Variants in ST3GAL2 observed in about 807,000 individuals in gnomAD.
ST3GAL2 encodes the protein ST3 beta-galactoside alpha-2,3-sialyltransferase 2, also known as CMP-N-acetylneuraminate-beta-galactosamide-alpha-2,3-sialyltransferase 2.
A neutral mutation model predicts 37.5 loss-of-function variants in ST3GAL2; 16 were observed. That is an observed-to-expected ratio of 0.43 (90% CI 0.29 to 0.65). ST3GAL2 has a LOEUF of 0.65. ST3GAL2 is among the 30% of genes least tolerant of loss of function. The pLI, the probability that ST3GAL2 is intolerant of heterozygous loss-of-function variation, is 0.17. For missense variants in ST3GAL2, 383 were observed against 487.8 expected (o/e 0.79, Z 2.02); for synonymous variants, 238 against 202.9 (o/e 1.17, Z -1.47).
intron 1 of ST3GAL2, among the ~76,000 whole-genome samples, chr16:70,437,815 C>T (rs981241665): frequency 6.6e-6 from 1 of 152,186 alleles, no homozygotes; most frequent in Non-Finnish European, 1.5e-5. Context: ...CTGAGAAGGG[C>T]TTCAGAGCCC....
intron 1 of ST3GAL2, among the ~76,000 whole-genome samples, chr16:70,403,393 T>C (rs778430160): frequency 4.6e-5 from 7 of 152,192 alleles, no homozygotes; most frequent in African/African-American, 1.2e-4. Flanking sequence ...ATTTAAGATG[T>C]CTTTTAGGCC....
In ST3GAL2 at chr16:70,381,870, G is replaced by A. The variant is rs2047408232; in HGVS notation, c.880-8C>T. On this transcript the variant is annotated splice_region_variant and splice_polypyrimidine_tract_variant and intron_variant, in intron 6 of 6. Transcript: ENST00000342907. ...GAACCCGTACACGTTCACCTGCGGGGAAGCGCAGCGGAGCGTCACCCCAGG... is the reference window on the plus strand; with the variant it reads ...GAACCCGTACACGTTCACCTGCGGGAAAGCGCAGCGGAGCGTCACCCCAGG... 3 of 1,612,756 alleles carry A rather than the reference G, an allele frequency of 1.9e-6. No homozygotes were observed. Among genetic ancestry groups the A allele is most frequent in the Admixed American group, 1.7e-5 (1 of 59,986 alleles).
At chr16:70,403,585 G>A (rs1424721539) in intron 1 of ST3GAL2, among the ~76,000 whole-genome samples, 2 of 152,280 alleles carry the variant, frequency 1.3e-5, no homozygotes, top group East Asian at 3.9e-4. Flanking sequence ...AGGCCGAGGC[G>A]GGCGGATCAT....
intron 1 of ST3GAL2, among the ~76,000 whole-genome samples, chr16:70,421,822 C>T (rs950213516): frequency 6.6e-6 from 1 of 151,126 alleles, no homozygotes; most frequent in East Asian, 1.9e-4. Context: ...CACACAACAC[C>T]GCACCTGACT....
chr16:70,435,254 G>C (rs560263176), intron 1 of ST3GAL2, among the ~76,000 whole-genome samples: 2 of 152,300 alleles, frequency 1.3e-5, no homozygotes, highest in South Asian at 2.1e-4. Context: ...ACAGCTGCCA[G>C]AACAGCCTGG....
rs2047638632 is a variant in ST3GAL2 at position 70,411,564 on chromosome 16, C to T, written c.-1003-12031G>A. Among the ~76,000 whole-genome samples, 9 of 152,190 alleles carry T rather than the reference C, an allele frequency of 5.9e-5. No homozygotes were observed. In the South Asian group the frequency reaches 1.9e-3, roughly 32 times the overall value. ...ATGGCAGAGTAGAAAGATCGAGGGT[C>T]CTTCATGTTCCTATGTGACCTACTG... On this transcript the variant is annotated intron_variant, in intron 1 of 6. Coordinates refer to ENST00000342907, the MANE Select transcript of ST3GAL2 (RefSeq NM_006927.4).
At chr16:70,400,025 T>C (rs764274127) in intron 1 of ST3GAL2, 1 of 152,214 alleles carries the variant, frequency 6.6e-6, no homozygotes, top group Non-Finnish European at 1.5e-5. Context: ...GATGAGGTAT[T>C]GCTGGGTCCA....
At chr16:70,409,218 G>A (rs186666493) in intron 1 of ST3GAL2, among the ~76,000 whole-genome samples, 15 of 152,254 alleles carry the variant, frequency 9.9e-5, no homozygotes, top group African/African-American at 2.9e-4. Context: ...CTGGATGATC[G>A]CTTCAGTCCA....
intron 4 of ST3GAL2, among the ~76,000 whole-genome samples, chr16:70,385,582 G>A (rs527473959): frequency 7.2e-5 from 11 of 151,764 alleles, no homozygotes; most frequent in South Asian, 2.1e-4. Flanking sequence ...GTGAGACAGA[G>A]TAGATTAATG....
intron 1 of ST3GAL2, among the ~76,000 whole-genome samples, chr16:70,436,522 C>A (rs1414342645): frequency 6.6e-6 from 1 of 151,854 alleles, no homozygotes; most frequent in Non-Finnish European, 1.5e-5. Context: ...TGTGATGACC[C>A]CAAACCAGTG....
rs1048837187 is a variant in ST3GAL2, at chr16:70,398,115, G to A, written c.339+77C>T. On this transcript the variant is annotated intron_variant, in intron 2 of 6. Transcript: ENST00000342907. ...CAGGCATTTTGTCAAGGCTCTGGGG[G>A]CCAGAAATCCAAGAGGGGGCTCTGA... 32 of 1,478,906 alleles carry A rather than the reference G, an allele frequency of 2.2e-5. No individual in the cohort carries two copies. In the Admixed American group the frequency reaches 4.2e-4, roughly 20 times the overall value. 91.6% of individuals were successfully genotyped at this position (1,478,906 alleles called of 1,614,324 possible).
intron 3 of ST3GAL2, among the ~76,000 whole-genome samples, chr16:70,390,731 T>C (rs1261301616): frequency 6.6e-6 from 1 of 152,196 alleles, no homozygotes; most frequent in Non-Finnish European, 1.5e-5. Context: ...TCTGTGGCTA[T>C]AATAAGCCAA....
intron 4 of ST3GAL2, among the ~76,000 whole-genome samples, chr16:70,383,991 C>G (rs1210513196): frequency 6.6e-6 from 1 of 152,024 alleles, no homozygotes; most frequent in Non-Finnish European, 1.5e-5. Context: ...CGATCCACTC[C>G]CCTCAGGCTT....
At chr16:70,433,585 T>C (rs1199775738) in intron 1 of ST3GAL2, among the ~76,000 whole-genome samples, 2 of 151,984 alleles carry the variant, frequency 1.3e-5, no homozygotes, top group African/African-American at 4.8e-5. Flanking sequence ...AGACACTTCC[T>C]CCCTCAGATA....
At chr16:70,384,964 A>G (rs537829596) in intron 4 of ST3GAL2, among the ~76,000 whole-genome samples, 24 of 150,594 alleles carry the variant, frequency 1.6e-4, no homozygotes, top group Admixed American at 8.0e-4. Context: ...AGCCAAGATC[A>G]TGCCATTGCA....
In ST3GAL2 at chr16:70,410,073, C is replaced by T. The variant is rs2047625921; in HGVS notation, c.-1003-10540G>A. Among the ~76,000 whole-genome samples, 3 of 151,612 alleles carry T rather than the reference C, an allele frequency of 2.0e-5. No homozygotes were observed. In the South Asian group the frequency reaches 6.2e-4, roughly 32 times the overall value. Reference sequence around the variant, plus strand: ...TGAGCCACCTTGCTCAGTCCTCAGACTTCTTTGCTTTTTATTTCACCTGAT... The same window carrying T: ...TGAGCCACCTTGCTCAGTCCTCAGATTTCTTTGCTTTTTATTTCACCTGAT... On this transcript the variant is annotated intron_variant, in intron 1 of 6. Transcript: ENST00000342907.
chr16:70,382,659 A>T lies in ST3GAL2; in HGVS notation c.879+146T>A, dbSNP rs569230995. 8 of 1,213,614 alleles carry T rather than the reference A, an allele frequency of 6.6e-6. No homozygotes were observed. The Admixed American group carries it at 1.1e-4, about 17-fold the overall frequency. The allele number at this position is 1,213,614 out of a possible 1,614,324, so 75.2% of individuals were successfully genotyped here. ...AAACGTTTGGGAAAGGCATATCTATACTTTACAGCCTAGAGATGGGGGAAA... is the reference window on the plus strand; with the variant it reads ...AAACGTTTGGGAAAGGCATATCTATTCTTTACAGCCTAGAGATGGGGGAAA... On this transcript the variant is annotated intron_variant, in intron 6 of 6. Coordinates refer to ENST00000342907, the MANE Select transcript of ST3GAL2 (RefSeq NM_006927.4).
intron 1 of ST3GAL2, among the ~76,000 whole-genome samples, chr16:70,431,707 T>A (rs941669950): frequency 1.3e-5 from 2 of 150,864 alleles, no homozygotes; most frequent in Admixed American, 1.3e-4. Context: ...CTCACCTCTG[T>A]AATCCCAGCA....
In ST3GAL2 at chr16:70,436,770, G is replaced by T. The variant is rs1303181058; in HGVS notation, c.-1004+2179C>A. Among the ~76,000 whole-genome samples the T allele has an allele frequency of 2.6e-5, 4 of 152,260 alleles. No homozygotes were observed. The East Asian group carries it at 7.7e-4, about 29-fold the overall frequency. ...CCACTAGGTGCTAAGGACCAAGCCA[G>T]GTGGTGGTATTTCAGAAAATGAGGA... On this transcript the variant is annotated intron_variant, in intron 1 of 6. Transcript: ENST00000342907.
Sources: allele counts gnomAD v4.1 joint callset (sites outside exome capture counted in the v4.1 genomes callset), GRCh38; gene constraint gnomAD v4.1.1; transcripts MANE v1.5; gene names NCBI Gene and HGNC (gene_info 2026-07-23, HGNC 2026-07-21).